MYO1D: variants seen among roughly 807,000 people sequenced by gnomAD.
The protein encoded by MYO1D is myosin ID, also known as unconventional myosin-Id.
In MYO1D, 83 loss-of-function variants were observed where a neutral mutation model predicts 122.0. The ratio of observed to expected loss-of-function variants is 0.68; its 90% CI spans 0.57 to 0.82. The LOEUF (loss-of-function observed/expected upper bound fraction) is 0.82, where lower values mean the gene tolerates loss of function less well. Ranked by LOEUF, MYO1D falls within the 40% of genes least tolerant of loss-of-function variation. The pLI, the probability that MYO1D is intolerant of heterozygous loss-of-function variation, is 0.00. For missense variants in MYO1D, 1,157 were observed against 1,269.5 expected (o/e 0.91, Z 1.35); for synonymous variants, 464 against 446.9 (o/e 1.04, Z -0.48).
chr17:32,655,583 A>G (rs927017969), intron 17 of MYO1D, among the ~76,000 whole-genome samples: 13 of 152,178 alleles, frequency 8.5e-5, no homozygotes, highest in African/African-American at 3.1e-4. Flanking sequence ...TAGGAAGAGA[A>G]GAGAACACAG....
rs8071985 is a variant in MYO1D at position 32,563,450 on chromosome 17, C to G, written c.2864+41637G>C. 3.4e-3 allele frequency among the ~76,000 whole-genome samples: 514 copies of G among 152,060 alleles called. 3 individuals carry two copies. Among genetic ancestry groups the G allele is most frequent in the Middle Eastern group, 0.024 (7 of 294 alleles). On this transcript the variant is annotated intron_variant, in intron 21 of 21. Transcript: ENST00000318217. ...CAGGCTAGTCTCGAACTCCTGATCT[C>G]AAGTGATTCACCCACCTCAGCCTCC...
chr17:32,604,947 C>A (rs530080133), intron 21 of MYO1D, 140 bp downstream of exon 21: 18 of 799,752 alleles, frequency 2.3e-5, no homozygotes, highest in Non-Finnish European at 2.9e-5. Context: ...TTACCTTCTG[C>A]GAAACAGATG....
chr17:32,848,193 G>A (rs1056002487), intron 1 of MYO1D, among the ~76,000 whole-genome samples: 2 of 152,122 alleles, frequency 1.3e-5, no homozygotes, highest in Non-Finnish European at 2.9e-5. Flanking sequence ...CATATGATTA[G>A]GGCAATTGTA....
intron 21 of MYO1D, among the ~76,000 whole-genome samples, chr17:32,558,263 G>A (rs1484446104): frequency 2.0e-5 from 3 of 152,094 alleles, no homozygotes; most frequent in Non-Finnish European, 4.4e-5. Context: ...ATTTATTTCT[G>A]AGCACAGCCA....
chr17:32,814,537 T>A (rs1267360090), intron 1 of MYO1D, among the ~76,000 whole-genome samples: 1 of 152,182 alleles, frequency 6.6e-6, no homozygotes, highest in East Asian at 1.9e-4. Context: ...AGAGTAGCCA[T>A]TTGTTGGCTG....
intron 1 of MYO1D, among the ~76,000 whole-genome samples, chr17:32,821,543 C>CAT (rs2090665162): frequency 6.7e-6 from 1 of 149,844 alleles, no homozygotes; most frequent in Non-Finnish European, 1.5e-5. Flanking sequence ...ATCACACATA[C>CAT]ACACACACAC....
intron 21 of MYO1D, among the ~76,000 whole-genome samples, chr17:32,584,294 C>A (rs1272251569): frequency 2.0e-5 from 3 of 152,152 alleles, no homozygotes. Flanking sequence ...AAGACAATAA[C>A]CAATGGCAGG....
chr17:32,741,883 T>C lies in MYO1D; in HGVS notation c.1613+3328A>G, dbSNP rs1045912078. ...AAAAAAAATTAGCCGGGCGTGGTGG[T>C]GGGCGCCTGTAGTCCCAGCTACTCA... On this transcript the variant is annotated intron_variant, in intron 13 of 21. Coordinates refer to ENST00000318217, the MANE Select transcript of MYO1D (RefSeq NM_015194.3). Among the ~76,000 whole-genome samples, 36 of 151,548 alleles carry C rather than the reference T, an allele frequency of 2.4e-4. 1 individual carries two copies. Among genetic ancestry groups the C allele is most frequent in the Non-Finnish European group, 1.5e-4 (10 of 67,856 alleles).
intron 16 of MYO1D, among the ~76,000 whole-genome samples, chr17:32,662,521 A>G (rs1343295404): frequency 6.6e-6 from 1 of 152,092 alleles, no homozygotes; most frequent in Non-Finnish European, 1.5e-5. Flanking sequence ...AAAATACAAA[A>G]AATTAGGCAA....
At chr17:32,813,819 A>G (rs185996212) in intron 1 of MYO1D, among the ~76,000 whole-genome samples, 83 of 152,300 alleles carry the variant, frequency 5.4e-4, no homozygotes, top group African/African-American at 2.0e-3. Context: ...ACACTAGAGC[A>G]TGGTGGTAGT....
intron 21 of MYO1D, among the ~76,000 whole-genome samples, chr17:32,592,863 C>G (rs2087453801): frequency 6.6e-6 from 1 of 152,138 alleles, no homozygotes; most frequent in Non-Finnish European, 1.5e-5. Context: ...AAAAAAACCC[C>G]AACAAAACAA....
intron 21 of MYO1D, among the ~76,000 whole-genome samples, chr17:32,557,407 C>T (rs1178793862): frequency 2.6e-5 from 4 of 152,106 alleles, no homozygotes; most frequent in Non-Finnish European, 4.4e-5. Flanking sequence ...CTGTGCCCGG[C>T]CTAGTTCATC....
At chr17:32,572,814 T>C (rs1322408872) in intron 21 of MYO1D, among the ~76,000 whole-genome samples, 1 of 152,012 alleles carries the variant, frequency 6.6e-6, no homozygotes, top group African/African-American at 2.4e-5. Context: ...TCAGATCTTC[T>C]CCTTCTTCTC....
chr17:32,620,707 T>A (rs941701577), intron 20 of MYO1D, among the ~76,000 whole-genome samples: 2 of 152,186 alleles, frequency 1.3e-5, no homozygotes, highest in African/African-American at 4.8e-5. Context: ...CTCTTCCATT[T>A]TGTTTAGAAC....
rs16967607 is a variant in MYO1D, at chr17:32,755,423, G to A, written c.1467+69C>T. ...TTCTTTTATCCCAACATATAAAGTC[G>A]TTGAACTCCATCAAACAATAAGGAG... is the stretch of plus-strand genomic sequence containing the variant. On this transcript the variant is annotated intron_variant, in intron 11 of 21. Coordinates refer to ENST00000318217, the MANE Select transcript of MYO1D (RefSeq NM_015194.3). The A allele has an allele frequency of 1.6e-3, 2,306 of 1,478,720 alleles. 24 individuals carry two copies. In the East Asian group the frequency reaches 0.025, roughly 16 times the overall value. 91.6% of individuals were successfully genotyped at this position (1,478,720 alleles called of 1,614,324 possible).
intron 21 of MYO1D, among the ~76,000 whole-genome samples, chr17:32,516,317 A>G (rs758392694): frequency 3.9e-5 from 6 of 152,320 alleles, no homozygotes; most frequent in Admixed American, 2.6e-4. Context: ...GGAATCCCAC[A>G]TCACAGAAAC....
intron 11 of MYO1D, among the ~76,000 whole-genome samples, chr17:32,750,342 G>T (rs1430290033): frequency 6.6e-6 from 1 of 152,192 alleles, no homozygotes; most frequent in Non-Finnish European, 1.5e-5. Flanking sequence ...GGCCAGGCGT[G>T]GTGGCTCACG....
chr17:32,567,240 A>T (rs966758152), intron 21 of MYO1D, among the ~76,000 whole-genome samples: 3 of 152,214 alleles, frequency 2.0e-5, no homozygotes, highest in African/African-American at 7.2e-5. Context: ...TATCCTGTTC[A>T]TGGCTATATC....
chr17:32,531,664 G>T (rs1388954289), intron 21 of MYO1D, among the ~76,000 whole-genome samples: 1 of 152,160 alleles, frequency 6.6e-6, no homozygotes, highest in Non-Finnish European at 1.5e-5. Flanking sequence ...CTGGCTCAAG[G>T]CATTAACCTT....
Sources: gnomAD v4.1 joint callset for allele counts (sites outside exome capture counted in the v4.1 genomes callset) on GRCh38, gnomAD v4.1.1 for gene constraint, MANE v1.5 for transcripts, NCBI Gene and HGNC (gene_info 2026-07-23, HGNC 2026-07-21) for gene names.